The following SUPT6H variants were observed in gnomAD, a reference collection of about 807,000 sequenced individuals.
SUPT6H encodes transcription elongation factor SPT6.
SUPT6H carries 11 observed loss-of-function variants against 222.3 expected under a neutral mutation model. The ratio of observed to expected loss-of-function variants is 0.05; its 90% CI spans 0.03 to 0.08. The LOEUF (loss-of-function observed/expected upper bound fraction) is 0.08. Ranked by LOEUF, SUPT6H falls within the 10% of genes least tolerant of loss-of-function variation. The pLI, the probability that SUPT6H is intolerant of heterozygous loss-of-function variation, is 1.00. For missense variants in SUPT6H, 1,422 were observed against 2,216.0 expected (o/e 0.64, Z 7.19); for synonymous variants, 762 against 801.2 (o/e 0.95, Z 0.83).
At position 28,688,313 on chromosome 17, in the gene SUPT6H, T is replaced by C; in HGVS notation, c.3134+95T>C. 7.1e-7 allele frequency: 1 copy of C among 1,418,156 alleles called. No homozygotes were observed. Among genetic ancestry groups the C allele is most frequent in the Non-Finnish European group, 9.4e-7 (1 of 1,066,742 alleles). 87.8% of individuals were successfully genotyped at this position (1,418,156 alleles called of 1,614,324 possible). Reference sequence around the variant, plus strand: ...AGGGCTATCAAAGGGCCACAAGCCATTTTAACTTAGGAAATGTTTTAAAGA... The same window carrying C: ...AGGGCTATCAAAGGGCCACAAGCCACTTTAACTTAGGAAATGTTTTAAAGA... On this transcript the variant is annotated intron_variant, in intron 24 of 36. Transcript: ENST00000314616. This position sits in a 1 kb window ranked among gnomAD's most constrained non-coding sequence, Gnocchi z 4.3.
At chr17:28,699,756 T>C (rs773692439) in intron 32 of SUPT6H, 25 bp from the exon 33 acceptor site, 16 of 1,603,902 alleles carry the variant, frequency 1.0e-5, no homozygotes, top group Non-Finnish European at 1.3e-5. Flanking sequence ...TGGTTTCTGA[T>C]GCATGTTTCC....
chr17:28,662,492 G>A (rs961442400), intron 1 of SUPT6H, 150 bp downstream of exon 1: 3 of 152,570 alleles, frequency 2.0e-5, no homozygotes, highest in Non-Finnish European at 2.9e-5. Flanking sequence ...GGGGGAAGGG[G>A]GAGGAAAGCG....
At chr17:28,670,174 TCAGA>T (rs1270560008) in intron 1 of SUPT6H, 1 of 152,094 alleles carries the variant, frequency 6.6e-6, no homozygotes, top group African/African-American at 2.4e-5. Flanking sequence ...CCATGAAGAG[TCAGA>T]CAGACCTCAG....
At chr17:28,665,673 G>C (rs1331475420) in intron 1 of SUPT6H, among the ~76,000 whole-genome samples, 1 of 152,182 alleles carries the variant, frequency 6.6e-6, no homozygotes, top group East Asian at 1.9e-4. Flanking sequence ...TGAGGCAGGA[G>C]AATTGCTTGA....
chr17:28,686,517 G>A, intron 20 of SUPT6H, 102 bp downstream of exon 20: 4 of 1,532,412 alleles, frequency 2.6e-6, no homozygotes. Flanking sequence ...TTGTGCTTGT[G>A]CAGGGAGTGT....
At chr17:28,682,491 A>G (rs1009492234) in intron 13 of SUPT6H, among the ~76,000 whole-genome samples, 25 of 152,194 alleles carry the variant, frequency 1.6e-4, no homozygotes, top group African/African-American at 5.8e-4. Flanking sequence ...GTGGTGGGAC[A>G]CACCTGTAGT....
intron 11 of SUPT6H, 114 bp downstream of exon 11, chr17:28,679,077 A>C (rs771612785): frequency 1.2e-5 from 17 of 1,378,322 alleles, no homozygotes; most frequent in Non-Finnish European, 1.7e-5. Context: ...ATCCCTTAGA[A>C]ATCCAACTTG....
intron 2 of SUPT6H, chr17:28,673,758 G>A (rs914554920): frequency 8.2e-6 from 4 of 490,124 alleles, no homozygotes; most frequent in Non-Finnish European, 1.5e-5. Flanking sequence ...TTGGGGGGTG[G>A]TTGATAATAA....
chr17:28,680,815 T>C (rs2031061716), intron 11 of SUPT6H, among the ~76,000 whole-genome samples: 1 of 152,098 alleles, frequency 6.6e-6, no homozygotes, highest in South Asian at 2.1e-4. Flanking sequence ...ACCCTGCTAG[T>C]TTTTTGTATT....
chr17:28,677,139 A>G (rs2030796349), intron 7 of SUPT6H, among the ~76,000 whole-genome samples: 1 of 151,674 alleles, frequency 6.6e-6, no homozygotes, highest in African/African-American at 2.4e-5. Flanking sequence ...TTGGGAGGCC[A>G]AGGTGGGTGG....
chr17:28,686,349 T>A lies in SUPT6H; in HGVS notation c.2498T>A (p.Ile833Asn), dbSNP rs765314342. Residue 833 changes from isoleucine to asparagine, a missense_variant, in exon 20 of 37, where the codon ATT becomes AAT. This residue lies in a region of SUPT6H where 294 missense variants were observed against 382.1 expected (regional missense o/e 0.77). Coordinates refer to ENST00000314616, the MANE Select transcript of SUPT6H (RefSeq NM_003170.5). ...EEEREKKAQD[I>N]ETLKKFLLNK... ...TTTCTTTCAATCCAGGCTCAAGACATTGAAACGCTAAAGAAATTTCTCCTG... is the reference window on the plus strand; with the variant it reads ...TTTCTTTCAATCCAGGCTCAAGACAATGAAACGCTAAAGAAATTTCTCCTG... The A allele has an allele frequency of 1.2e-6, 2 of 1,614,072 alleles. No homozygotes were observed. Among genetic ancestry groups the A allele is most frequent in the African/African-American group, 2.7e-5 (2 of 74,922 alleles).
intron 20 of SUPT6H, 110 bp from the exon 21 acceptor site, chr17:28,686,544 C>T: frequency 1.3e-6 from 2 of 1,534,132 alleles, no homozygotes; most frequent in East Asian, 2.3e-5. Context: ...GGATGTTTGA[C>T]CTCATTTTCT....
intron 1 of SUPT6H, among the ~76,000 whole-genome samples, chr17:28,663,985 C>G (rs1023334753): frequency 6.6e-6 from 1 of 151,548 alleles, no homozygotes; most frequent in South Asian, 2.1e-4. Context: ...TCTACTTTGC[C>G]CACTCCATTG....
chr17:28,675,796 G>A lies in SUPT6H; in HGVS notation c.623+311G>A, dbSNP rs146435426. On this transcript the variant is annotated intron_variant, in intron 6 of 36. Coordinates refer to ENST00000314616, the MANE Select transcript of SUPT6H (RefSeq NM_003170.5). The stretch of plus-strand genomic sequence containing the variant: ...ATATTGACATTCTTAATATATTTTT[G>A]TTGGAAGACAAATGCCCGCATCACA... Among the ~76,000 whole-genome samples, 4 of 152,214 alleles carry A rather than the reference G, an allele frequency of 2.6e-5. No individual in the cohort carries two copies. The East Asian group carries it at 7.7e-4, about 29-fold the overall frequency.
chr17:28,690,934 C>G lies in SUPT6H; in HGVS notation c.3504C>G (p.Ile1168Met). Residue 1168 changes from isoleucine (I) to methionine (M), a missense_variant, in exon 27 of 37, where the codon ATC becomes ATG. Transcript: ENST00000314616. ...PETFYIGKLI[I>M]CNVTGIAHRR... The stretch of plus-strand genomic sequence containing the variant: ...TCCTTCTTGCAGGAAAGCTCATCAT[C>G]TGCAATGTCACTGGCATTGCCCACA... 1 of 1,613,618 alleles carries G rather than the reference C, an allele frequency of 6.2e-7. No homozygotes were observed. The highest frequency in any genetic ancestry group is 8.5e-7 in the Non-Finnish European group (1 of 1,179,990).
At chr17:28,697,848 A>G (rs1487487845) in intron 31 of SUPT6H, 58 bp from the exon 32 acceptor site, 4 of 1,608,332 alleles carry the variant, frequency 2.5e-6, no homozygotes, top group African/African-American at 1.3e-5. Context: ...TGTGTGCACC[A>G]GACGTTGTGT....
intron 25 of SUPT6H, 118 bp from the exon 26 acceptor site, chr17:28,689,961 AAAG>A (rs1331083411): frequency 1.3e-5 from 17 of 1,292,092 alleles, no homozygotes; most frequent in South Asian, 3.1e-5. Context: ...GATGGAAAGA[AAAG>A]AAGAAGCCCT....
rs773353703 is a variant in SUPT6H at position 28,687,332 on chromosome 17, A to G, written c.2867A>G (p.Asn956Ser). ...CATGTGGTGAAAGAGGAGCTGCTCAACGCCTTGTACTGTGAATTTATCAAC... is the reference window on the plus strand; with the variant it reads ...CATGTGGTGAAAGAGGAGCTGCTCAGCGCCTTGTACTGTGAATTTATCAAC... ...QEHVVKEELLNALYCEFINRV... is the reference protein window; with the variant it reads ...QEHVVKEELLSALYCEFINRV... The change falls in exon 23 of 37, where the codon AAC (asparagine) becomes AGC (serine). Residue 956 changes from asparagine to serine, a missense_variant. Physicochemically the swap from Asn to Ser is conservative, Grantham distance 46. Around this residue, in one of 13 missense-constraint regions of SUPT6H, gnomAD observed 294 missense variants for 382.1 expected, o/e 0.77. Coordinates refer to ENST00000314616, the MANE Select transcript of SUPT6H (RefSeq NM_003170.5). The G allele has an allele frequency of 5.6e-6, 9 of 1,614,164 alleles. No individual in the cohort carries two copies. The highest frequency in any genetic ancestry group is 2.2e-5 in the East Asian group (1 of 44,884).
At position 28,688,249 on chromosome 17, in the gene SUPT6H, G is replaced by A; in HGVS notation, c.3134+31G>A. 4 of 1,604,430 alleles carry A rather than the reference G, an allele frequency of 2.5e-6. No individual in the cohort carries two copies. Among genetic ancestry groups the A allele is most frequent in the Non-Finnish European group, 3.4e-6 (4 of 1,174,956 alleles). ...GCCCTCTGCCTGGATGGGGCAGGAG[G>A]AATTCCCTTGTGGGCTTTGTTTTCG... is the stretch of plus-strand genomic sequence containing the variant. On this transcript the variant is annotated intron_variant, in intron 24 of 36. Coordinates refer to ENST00000314616, the MANE Select transcript of SUPT6H (RefSeq NM_003170.5). This position sits in a 1 kb window ranked among gnomAD's most constrained non-coding sequence, Gnocchi z 4.3.
Sources: allele counts gnomAD v4.1 joint callset (sites outside exome capture counted in the v4.1 genomes callset), GRCh38; gene constraint gnomAD v4.1.1; regional missense constraint gnomAD v4.1.1; non-coding constraint Gnocchi (gnomAD v3.1); transcripts MANE v1.5; gene names NCBI Gene and HGNC (gene_info 2026-07-23, HGNC 2026-07-21).